Variants in ABL2 observed in about 807,000 individuals in gnomAD.
The protein encoded by ABL2 is ABL proto-oncogene 2, non-receptor tyrosine kinase.
A neutral mutation model predicts 107.7 loss-of-function variants in ABL2; 49 were observed. That is an observed-to-expected ratio of 0.45 (90% CI 0.36 to 0.58). The LOEUF is 0.58. Ranked by LOEUF, ABL2 falls within the 20% of genes least tolerant of loss-of-function variation. ABL2 has a pLI of 0.00. For missense variants in ABL2, 1,245 were observed against 1,457.0 expected (o/e 0.85, Z 2.37); for synonymous variants, 549 against 548.6 (o/e 1.00, Z -0.01).
chr1:179,129,474 A>G (rs1269996157), intron 3 of ABL2, among the ~76,000 whole-genome samples: 2 of 152,204 alleles, frequency 1.3e-5, no homozygotes, highest in Admixed American at 1.3e-4. Context: ...ACAGGTCAGG[A>G]GTTCGAGGCC....
chr1:179,143,021 A>T (rs1657730534), intron 1 of ABL2: 1 of 1,614,080 alleles, frequency 6.2e-7, no homozygotes, highest in Non-Finnish European at 8.5e-7. Context: ...TATTAGGTGG[A>T]AGGAGAACTG....
intron 1 of ABL2, 33 bp downstream of exon 1, chr1:179,229,208 C>CCCCCCCCCCCCCCACCA: frequency 1.3e-6 from 2 of 1,488,056 alleles, no homozygotes; most frequent in East Asian, 2.8e-5. Context: ...CGGCCTCCCC[C>CCCCCCCCCCCCCCACCA]ACGCTCTCAT....
At chr1:179,202,821 A>G (rs550653830) in intron 1 of ABL2, among the ~76,000 whole-genome samples, 4 of 152,244 alleles carry the variant, frequency 2.6e-5, no homozygotes, top group Non-Finnish European at 4.4e-5. Flanking sequence ...GATGTTAAAT[A>G]GTGTGAAAAG....
intron 1 of ABL2, among the ~76,000 whole-genome samples, chr1:179,222,396 A>AT (rs1353098858): frequency 0.018 from 2,668 of 148,026 alleles, 81 homozygotes; most frequent in African/African-American, 0.06. Flanking sequence ...TGCCTGGCTA[A>AT]TTTTTTTTTT....
chr1:179,191,871 A>G (rs1419880944), intron 1 of ABL2, among the ~76,000 whole-genome samples: 1 of 152,244 alleles, frequency 6.6e-6, no homozygotes, highest in Non-Finnish European at 1.5e-5. Context: ...CAATTACTCA[A>G]TTGAAATGAG....
chr1:179,189,743 C>T (rs935336121), intron 1 of ABL2, among the ~76,000 whole-genome samples: 7 of 152,056 alleles, frequency 4.6e-5, no homozygotes, highest in East Asian at 1.9e-4. Flanking sequence ...GCAAGCAGTG[C>T]ACAAGCTGGT....
chr1:179,205,028 T>C (rs745948919), intron 1 of ABL2, among the ~76,000 whole-genome samples: 125 of 115,852 alleles, frequency 1.1e-3, no homozygotes, highest in Non-Finnish European at 1.9e-3. Flanking sequence ...CAACTCTTTT[T>C]CTTTTTTTTT....
chr1:179,154,022 T>A (rs889450183), intron 1 of ABL2, among the ~76,000 whole-genome samples: 3 of 152,214 alleles, frequency 2.0e-5, no homozygotes, highest in Admixed American at 6.5e-5. Flanking sequence ...CTTTCTTCCC[T>A]AATTCACTCT....
chr1:179,216,541 A>T (rs1571336400), intron 1 of ABL2, among the ~76,000 whole-genome samples: 2 of 152,216 alleles, frequency 1.3e-5, no homozygotes, highest in South Asian at 2.1e-4. Context: ...AAATTCTCTC[A>T]GAGCCATCAA....
At chr1:179,132,495 T>C (rs762424697) in intron 2 of ABL2, among the ~76,000 whole-genome samples, 1 of 152,048 alleles carries the variant, frequency 6.6e-6, no homozygotes, top group African/African-American at 2.4e-5. Context: ...AACACTTTTA[T>C]GTCTCTCTTC....
intron 1 of ABL2, among the ~76,000 whole-genome samples, chr1:179,223,412 C>CAAAA (rs34625592): frequency 7.6e-6 from 1 of 132,392 alleles, no homozygotes; most frequent in Non-Finnish European, 1.6e-5. Flanking sequence ...GACCCTGTCT[C>CAAAA]AAAAAAAAAA....
At chr1:179,127,256 T>C (rs974744182) in intron 3 of ABL2, among the ~76,000 whole-genome samples, 12 of 151,700 alleles carry the variant, frequency 7.9e-5, no homozygotes, top group Admixed American at 5.3e-4. Flanking sequence ...AACTGTTTAG[T>C]GGGGTGAGGG....
rs1243302161 is a variant in ABL2, at chr1:179,108,540, C to T, written c.2727G>A (p.Glu909=). The change falls in exon 12 of 12, where the codon GAG becomes GAA. Residue 909 remains glutamate (E), a synonymous_variant. Transcript: ENST00000502732. The part of the protein sequence containing the change: ...LGMAGVPEDG[E]QPGWPSPAKA... Reference sequence around the variant, plus strand: ...TGGCTGGAGAAGGCCAGCCCGGCTGCTCTCCATCCTCTGGAACTCCAGCCA... The same window carrying T: ...TGGCTGGAGAAGGCCAGCCCGGCTGTTCTCCATCCTCTGGAACTCCAGCCA... The T allele has an allele frequency of 1.9e-6, 3 of 1,614,032 alleles. No individual in the cohort carries two copies. Among genetic ancestry groups the T allele is most frequent in the Middle Eastern group, 1.6e-4 (1 of 6,084 alleles).
chr1:179,136,130 T>C (rs1467531458), intron 1 of ABL2, among the ~76,000 whole-genome samples: 1 of 142,974 alleles, frequency 7.0e-6, no homozygotes, highest in Non-Finnish European at 1.5e-5. Context: ...GTCCGGGAGG[T>C]GAGGGGCGCC....
At chr1:179,121,453 G>A in intron 5 of ABL2, 142 bp downstream of exon 5, 1 of 1,105,652 alleles carries the variant, frequency 9.0e-7, no homozygotes, top group South Asian at 1.5e-5. Flanking sequence ...ATGGCACTAG[G>A]GTTAATCATC....
At chr1:179,229,167 T>TCCCCCCCCCCCCCCCCCCCCC in intron 1 of ABL2, 74 bp downstream of exon 1, 2 of 402,572 alleles carry the variant, frequency 5.0e-6, no homozygotes, top group Non-Finnish European at 9.3e-6. Context: ...GGGCAGCCCG[T>TCCCCCCCCCCCCCCCCCCCCC]CCGCCACCCA....
In ABL2 at chr1:179,183,014, G is replaced by GT. The variant is rs1660469110; in HGVS notation, c.157+46226dup. Among the ~76,000 whole-genome samples, 3 of 152,094 alleles carry GT rather than the reference G, an allele frequency of 2.0e-5. No homozygotes were observed. The South Asian group carries it at 6.2e-4, about 32-fold the overall frequency. On this transcript the variant is annotated intron_variant, in intron 1 of 11. Transcript: ENST00000502732. ...GGCTCTTGATTTAACAAATAGCTAA[G>GT]TTTTTTGTTTTTGTTTTTGAGACAG...
rs76020952 is a variant in ABL2, at chr1:179,157,602, T to C, written c.158-24228A>G. ...GGTCCCAAGCATTTCAAATAAGGGA[T>C]ACTTAGCCTGTAATGTCTTTCTAGT... On this transcript the variant is annotated intron_variant, in intron 1 of 11. Coordinates refer to ENST00000502732, the MANE Select transcript of ABL2 (RefSeq NM_007314.4). Among the ~76,000 whole-genome samples, 979 of 152,178 alleles carry C rather than the reference T, an allele frequency of 6.4e-3. 13 individuals carry two copies. The highest frequency in any genetic ancestry group is 0.02 in the African/African-American group (846 of 41,508).
chr1:179,169,774 TG>T (rs1265986751), intron 1 of ABL2, among the ~76,000 whole-genome samples: 3 of 152,078 alleles, frequency 2.0e-5, no homozygotes, highest in Non-Finnish European at 2.9e-5. Context: ...GCTGACACAA[TG>T]ACTCATGCTT....
Sources: gnomAD v4.1 joint callset for allele counts (sites outside exome capture counted in the v4.1 genomes callset) on GRCh38, gnomAD v4.1.1 for gene constraint, MANE v1.5 for transcripts, NCBI Gene and HGNC (gene_info 2026-07-23, HGNC 2026-07-21) for gene names.